Variants in OTOG observed in about 807,000 individuals in gnomAD.
The protein encoded by OTOG is otogelin.
A neutral mutation model predicts 313.8 loss-of-function variants in OTOG; 296 were observed. The ratio of observed to expected loss-of-function variants is 0.94; its 90% confidence interval spans 0.86 to 1.04. The LOEUF (loss-of-function observed/expected upper bound fraction) is 1.04, where lower values mean the gene tolerates loss of function less well. Among genes scored for constraint, OTOG ranks in the 50% least tolerant of loss-of-function variants. OTOG has a pLI of 0.00. For synonymous variants in OTOG, 1,533 were observed against 1,554.9 expected, an observed-to-expected ratio of 0.99 and a Z score of 0.33; for missense variants, 3,948 against 3,840.1, an observed-to-expected ratio of 1.03 and a Z score of -0.74.
chr11:17,635,434 A>G (rs1194461370), intron 46 of OTOG, among the ~76,000 whole-genome samples, 176 bp from the exon 47 acceptor site: 1 of 152,146 alleles, frequency 6.6e-6, no homozygotes, highest in Non-Finnish European at 1.5e-5. Context: ...GGTGGACATG[A>G]GGGAGAACTT....
chr11:17,644,438 T>C (rs1357991292), intron 54 of OTOG, among the ~76,000 whole-genome samples: 1 of 152,216 alleles, frequency 6.6e-6, no homozygotes, highest in Non-Finnish European at 1.5e-5. Context: ...AAGGGATTCC[T>C]GGGGTTACAG....
rs561041693 is a variant in OTOG, at chr11:17,643,359, A to T, written c.8416-102A>T. ...CTGCCCTGGGGCATCACGGGGAGAG[A>T]AGAGTCAAGACTCCTGTACTCTGCC... On this transcript the variant is annotated intron_variant, in intron 53 of 55. Coordinates refer to ENST00000399397, the MANE Select transcript of OTOG (RefSeq NM_001292063.2). 2.5e-5 allele frequency: 19 copies of T among 747,832 alleles called. No individual in the cohort carries two copies. The South Asian group carries it at 2.9e-4, about 11-fold the overall frequency. The allele number at this position is 747,832 out of a possible 1,614,324, so 46.3% of individuals were successfully genotyped here.
intron 9 of OTOG, 58 bp from the exon 10 acceptor site, chr11:17,558,480 G>A (rs1296395829): frequency 6.5e-7 from 1 of 1,541,810 alleles, no homozygotes; most frequent in Non-Finnish European, 8.8e-7. Flanking sequence ...GGGGTTCTGT[G>A]TGGGGCTGTG....
intron 25 of OTOG, 79 bp from the exon 26 acceptor site, chr11:17,593,114 C>A: frequency 1.5e-6 from 2 of 1,373,214 alleles, no homozygotes; most frequent in Non-Finnish European, 2.0e-6. Context: ...CTCCAGAGAG[C>A]GTGTTCCTCC....
chr11:17,632,353 T>C, intron 42 of OTOG, 127 bp downstream of exon 42: 1 of 790,700 alleles, frequency 1.3e-6, no homozygotes. Flanking sequence ...TGGATTTATG[T>C]ACATTAGTAA....
chr11:17,627,096 C>T (rs1283390818), intron 39 of OTOG, among the ~76,000 whole-genome samples: 2 of 152,104 alleles, frequency 1.3e-5, no homozygotes, highest in African/African-American at 4.8e-5. Flanking sequence ...ATTCCAATTT[C>T]AATGCCCTTC....
intron 24 of OTOG, among the ~76,000 whole-genome samples, chr11:17,589,835 T>C (rs1438552131): frequency 1.3e-5 from 2 of 152,182 alleles, no homozygotes; most frequent in African/African-American, 2.4e-5. Flanking sequence ...AGTTAGCCTT[T>C]CTCAGTCCTC....
At chr11:17,585,191 G>A (rs1045961496) in intron 23 of OTOG, among the ~76,000 whole-genome samples, 2 of 152,166 alleles carry the variant, frequency 1.3e-5, no homozygotes, top group African/African-American at 4.8e-5. Flanking sequence ...TAAAGATATT[G>A]GGCTAATTCA....
At chr11:17,615,759 T>C (rs1051876625) in intron 39 of OTOG, among the ~76,000 whole-genome samples, 1 of 152,048 alleles carries the variant, frequency 6.6e-6, no homozygotes, top group African/African-American at 2.4e-5. Flanking sequence ...AGAAACCCCT[T>C]CTCTACTAAA....
chr11:17,548,278 G>A, intron 3 of OTOG, 66 bp downstream of exon 3: 1 of 1,402,370 alleles, frequency 7.1e-7, no homozygotes, highest in Non-Finnish European at 9.6e-7. Flanking sequence ...TCTGAGGCTG[G>A]CAGGGAGCTC....
chr11:17,637,004 C>G (rs1350139154), intron 47 of OTOG, among the ~76,000 whole-genome samples: 1 of 152,206 alleles, frequency 6.6e-6, no homozygotes, highest in Non-Finnish European at 1.5e-5. Flanking sequence ...GATATTATCA[C>G]TTTCTCCCAG....
At chr11:17,574,382 G>T (rs961540963) in intron 19 of OTOG, among the ~76,000 whole-genome samples, 1 of 152,158 alleles carries the variant, frequency 6.6e-6, no homozygotes, top group Non-Finnish European at 1.5e-5. Context: ...TACGGGGTGG[G>T]TGCAGGGCCT....
Position 17,569,216 on chromosome 11 carries a change from C to T in OTOG, c.1705C>T (p.Gln569Ter), listed in dbSNP as rs1379909983. 6.4e-7 allele frequency: 1 copy of T among 1,550,496 alleles called. No individual in the cohort carries two copies. Among genetic ancestry groups the T allele is most frequent in the African/African-American group, 1.4e-5 (1 of 73,058 alleles). Residue 569 changes from glutamine (Q) to a stop codon, truncating the protein, a stop_gained, in exon 16 of 56, where the codon CAG becomes TAG. Transcript: ENST00000399397. LOFTEE classifies it high-confidence loss of function. ...SVILHQDPRR[Q>*]VTLTQAGDVL... ...GATTCTGCACCAGGACCCTCGGAGG[C>T]AGGTGACCCTGACCCAGGCAGGGGA... is the stretch of plus-strand genomic sequence containing the variant.
intron 9 of OTOG, 26 bp from the exon 10 acceptor site, chr11:17,558,512 C>G (rs750642368): frequency 2.7e-4 from 417 of 1,549,366 alleles, no homozygotes; most frequent in Non-Finnish European, 3.3e-4. Context: ...CAGCCCCTAG[C>G]CCTGGCTCCT....
At chr11:17,593,868 C>T (rs1853019977) in intron 27 of OTOG, 112 bp downstream of exon 27, 3 of 1,427,408 alleles carry the variant, frequency 2.1e-6, no homozygotes, top group Non-Finnish European at 2.8e-6. Context: ...TGCCTCTGTT[C>T]TCTCCTCCGC....
At chr11:17,645,203 A>G (rs11024356) in intron 54 of OTOG, among the ~76,000 whole-genome samples, 35,671 of 152,148 alleles carry the variant, frequency 0.23, 4,273 homozygotes, top group South Asian at 0.3. Flanking sequence ...TGAAGCTCAG[A>G]GAGGGGTAAG....
At chr11:17,577,034 C>T (rs1852545653) in intron 22 of OTOG, 123 bp downstream of exon 22, 23 of 984,490 alleles carry the variant, frequency 2.3e-5, no homozygotes, top group Admixed American at 5.7e-5. Flanking sequence ...TTGGGCCTTC[C>T]GTATTCCTTG....
At position 17,634,256 on chromosome 11, in the gene OTOG, C is replaced by T. The variant is rs1161667132; in HGVS notation, c.7455C>T (p.Asp2485=). The T allele has an allele frequency of 2.6e-6, 4 of 1,550,350 alleles. No homozygotes were observed. The highest frequency in any genetic ancestry group is 2.4e-5 in the East Asian group (1 of 40,910). The change falls in exon 44 of 56, where the codon GAC becomes GAT. Residue 2485 remains aspartate (D), a synonymous_variant. Transcript: ENST00000399397. ...GEVALLLPTK[D]PCCLGTVCVC... is the part of the protein sequence containing the mutation. ...TGGCCTTGCTCCTACCCACCAAGGACCCCTGCTGCCTGGGGACTGTCTGTG... is the reference window on the plus strand; with the variant it reads ...TGGCCTTGCTCCTACCCACCAAGGATCCCTGCTGCCTGGGGACTGTCTGTG...
chr11:17,633,542 C>A, intron 42 of OTOG, 138 bp from the exon 43 acceptor site: 1 of 774,918 alleles, frequency 1.3e-6, no homozygotes, highest in Non-Finnish European at 2.0e-6. Flanking sequence ...GTCACCAAGC[C>A]CTTTAACTTA....
Sources: allele counts gnomAD v4.1 joint callset (sites outside exome capture counted in the v4.1 genomes callset), GRCh38; gene constraint gnomAD v4.1.1; transcripts MANE v1.5; gene names NCBI Gene and HGNC (gene_info 2026-07-23, HGNC 2026-07-21).